The following BMP5 variants were observed in gnomAD, a reference collection of about 807,000 sequenced individuals.
The protein encoded by BMP5 is bone morphogenetic protein 5.
A neutral mutation model predicts 46.6 loss-of-function variants in BMP5; 23 were observed. The ratio of observed to expected loss-of-function variants is 0.49; its 90% CI spans 0.35 to 0.70. The LOEUF (loss-of-function observed/expected upper bound fraction) is 0.70. BMP5 is among the 30% of genes least tolerant of loss of function. BMP5 has a pLI of 0.00. For missense variants in BMP5, 545 were observed against 565.6 expected (o/e 0.96, Z 0.37); for synonymous variants, 204 against 191.9 (o/e 1.06, Z -0.52).
At chr6:55,866,717 T>C (rs1182948591) in intron 1 of BMP5, among the ~76,000 whole-genome samples, 4 of 152,176 alleles carry the variant, frequency 2.6e-5, no homozygotes, top group African/African-American at 7.2e-5. Context: ...GGCTTCTGTT[T>C]TCTGGGTAAT....
intron 1 of BMP5, among the ~76,000 whole-genome samples, chr6:55,867,874 G>T (rs958019207): frequency 1.3e-5 from 2 of 152,152 alleles, no homozygotes; most frequent in Non-Finnish European, 1.5e-5. Context: ...GCTAGTAAGC[G>T]TGGAATATGG....
chr6:55,841,621 T>TG (rs776375880), intron 1 of BMP5, among the ~76,000 whole-genome samples: 1 of 151,968 alleles, frequency 6.6e-6, no homozygotes, highest in Non-Finnish European at 1.5e-5. Context: ...TTTGTTTGTT[T>TG]GTTTGTAGTC....
chr6:55,814,556 A>G (rs1776210465), intron 2 of BMP5, among the ~76,000 whole-genome samples: 1 of 152,154 alleles, frequency 6.6e-6, no homozygotes, highest in Admixed American at 6.5e-5. Context: ...TTATGGCACT[A>G]TATTATTATT....
Position 55,823,533 on chromosome 6 carries a change from A to G in BMP5, c.491-3686T>C, listed in dbSNP as rs181191299. Among the ~76,000 whole-genome samples, 87 of 152,094 alleles carry G rather than the reference A, an allele frequency of 5.7e-4. 1 individual carries two copies. Among genetic ancestry groups the G allele is most frequent in the African/African-American group, 2.0e-3 (82 of 41,534 alleles). ...CCTACTTAAGTCCACTAGTTTTATAACTTGTCAAAGAGCCCAAAACTTGTA... is the reference window on the plus strand; with the variant it reads ...CCTACTTAAGTCCACTAGTTTTATAGCTTGTCAAAGAGCCCAAAACTTGTA... On this transcript the variant is annotated intron_variant, in intron 1 of 6. Transcript: ENST00000370830.
intron 1 of BMP5, among the ~76,000 whole-genome samples, chr6:55,861,045 G>A (rs186592025): frequency 2.9e-4 from 44 of 152,308 alleles, no homozygotes; most frequent in African/African-American, 1.1e-3. Flanking sequence ...ATCAAAGGAT[G>A]TGTACTAAAT....
At chr6:55,859,163 T>C (rs1219004275) in intron 1 of BMP5, among the ~76,000 whole-genome samples, 1 of 152,154 alleles carries the variant, frequency 6.6e-6, no homozygotes, top group African/African-American at 2.4e-5. Flanking sequence ...AGGTATAGGA[T>C]AGCAAGTGAT....
intron 1 of BMP5, among the ~76,000 whole-genome samples, chr6:55,827,427 A>C (rs749641514): frequency 5.9e-5 from 9 of 151,772 alleles, no homozygotes; most frequent in Non-Finnish European, 1.2e-4. Flanking sequence ...ACAACAGTGG[A>C]TAGATAAAAA....
chr6:55,820,794 A>G (rs964421904), intron 1 of BMP5, among the ~76,000 whole-genome samples: 1 of 152,118 alleles, frequency 6.6e-6, no homozygotes, highest in Non-Finnish European at 1.5e-5. Flanking sequence ...CTGGTCCAGT[A>G]CAAAGTCTCT....
chr6:55,856,600 G>T (rs1777405022), intron 1 of BMP5, among the ~76,000 whole-genome samples: 1 of 151,988 alleles, frequency 6.6e-6, no homozygotes, highest in South Asian at 2.1e-4. Context: ...ATGTGTAGTG[G>T]TATCTCATTT....
At chr6:55,803,967 CAACAGCCTTACAAG>C (rs1189264007) in intron 2 of BMP5, among the ~76,000 whole-genome samples, 149 of 152,184 alleles carry the variant, frequency 9.8e-4, no homozygotes, top group Admixed American at 9.6e-3. Context: ...GATAGAGAAG[CAACAGCCTTACAAG>C]AACTATTTAA....
intron 3 of BMP5, among the ~76,000 whole-genome samples, chr6:55,788,496 TA>T (rs768968056): frequency 5.3e-5 from 8 of 151,852 alleles, no homozygotes; most frequent in Non-Finnish European, 1.2e-4. Context: ...TGAATTTATC[TA>T]AAATGTATTT....
At chr6:55,825,354 A>G (rs574599868) in intron 1 of BMP5, among the ~76,000 whole-genome samples, 17 of 151,902 alleles carry the variant, frequency 1.1e-4, no homozygotes, top group Non-Finnish European at 2.5e-4. Context: ...ATAATTTATT[A>G]TTATATTTTG....
chr6:55,784,888 C>T (rs1775410067), intron 3 of BMP5, among the ~76,000 whole-genome samples: 2 of 151,738 alleles, frequency 1.3e-5, no homozygotes, highest in African/African-American at 4.8e-5. Flanking sequence ...TAAGAGTCAG[C>T]ATATAAGAGG....
chr6:55,799,605 A>G (rs532583869), intron 2 of BMP5, among the ~76,000 whole-genome samples: 55 of 152,272 alleles, frequency 3.6e-4, no homozygotes, highest in Admixed American at 3.5e-3. Flanking sequence ...AAGCCCTCTA[A>G]TATTTTCAGT....
At chr6:55,864,764 G>GTAA (rs1220822095) in intron 1 of BMP5, among the ~76,000 whole-genome samples, 1 of 152,122 alleles carries the variant, frequency 6.6e-6, no homozygotes, top group East Asian at 1.9e-4. Flanking sequence ...TGTGCATCCT[G>GTAA]TAATAGAAGA....
rs767362032 is a variant in BMP5 at position 55,760,432 on chromosome 6, A to T, written c.1104+25T>A. On this transcript the variant is annotated intron_variant, in intron 5 of 6. Transcript: ENST00000370830. The stretch of plus-strand genomic sequence containing the variant: ...ATTTATGATAATTCAGAAAAGAAGC[A>T]CCAAAGTTGACTGAAAATTCCTACC... The T allele has an allele frequency of 3.1e-6, 5 of 1,604,272 alleles. No individual in the cohort carries two copies. In the South Asian group the frequency reaches 5.5e-5, roughly 18 times the overall value.
chr6:55,804,304 A>C (rs1056475448), intron 2 of BMP5, among the ~76,000 whole-genome samples: 2 of 152,204 alleles, frequency 1.3e-5, no homozygotes, highest in Non-Finnish European at 2.9e-5. Context: ...AGCCACATGA[A>C]GATGGAAGAG....
intron 2 of BMP5, among the ~76,000 whole-genome samples, chr6:55,818,388 ACT>A (rs1040982670): frequency 6.6e-5 from 10 of 152,056 alleles, no homozygotes; most frequent in African/African-American, 2.2e-4. Flanking sequence ...AAATATAATC[ACT>A]GTTTTGTTTT....
chr6:55,830,851 A>G (rs1776647395), intron 1 of BMP5, among the ~76,000 whole-genome samples: 1 of 152,130 alleles, frequency 6.6e-6, no homozygotes, highest in South Asian at 2.1e-4. Context: ...TACAAGTTTG[A>G]GGTTAAAATA....
Sources: gnomAD v4.1 joint callset for allele counts (sites outside exome capture counted in the v4.1 genomes callset) on GRCh38, gnomAD v4.1.1 for gene constraint, MANE v1.5 for transcripts, NCBI Gene and HGNC (gene_info 2026-07-23, HGNC 2026-07-21) for gene names.